MGAT5: variants seen among roughly 807,000 people sequenced by gnomAD.
MGAT5 encodes alpha-1,6-mannosylglycoprotein 6-beta-N-acetylglucosaminyltransferase A.
MGAT5 carries 30 observed loss-of-function variants against 94.3 expected under a neutral mutation model. The ratio of observed to expected loss-of-function variants is 0.32; its 90% CI spans 0.24 to 0.43. The LOEUF (loss-of-function observed/expected upper bound fraction) is 0.43, where lower values mean the gene tolerates loss of function less well. Ranked by LOEUF, MGAT5 falls within the 20% of genes least tolerant of loss-of-function variation. MGAT5 has a pLI of 1.00. For synonymous variants in MGAT5, 310 were observed against 322.9 expected (o/e 0.96, Z 0.43); for missense variants, 691 against 905.5 (o/e 0.76, Z 3.04).
intron 10 of MGAT5, among the ~76,000 whole-genome samples, chr2:134,381,524 C>T (rs113481762): frequency 8.6e-5 from 7 of 81,212 alleles, no homozygotes; most frequent in South Asian, 6.4e-4. Context: ...GACAGACAGA[C>T]AGACAGACAG....
intron 11 of MGAT5, among the ~76,000 whole-genome samples, chr2:134,405,458 C>T (rs1014396862): frequency 6.6e-6 from 1 of 152,218 alleles, no homozygotes; most frequent in African/African-American, 2.4e-5. Flanking sequence ...CACACAGCTA[C>T]AGGCTCCAAA....
intron 1 of MGAT5, among the ~76,000 whole-genome samples, chr2:134,155,743 A>G (rs759072536): frequency 5.3e-5 from 8 of 152,080 alleles, no homozygotes; most frequent in Non-Finnish European, 8.8e-5. Context: ...TTCTAGCCAC[A>G]CTGGCTCTTT....
chr2:134,183,406 G>T (rs1049985267), intron 1 of MGAT5, among the ~76,000 whole-genome samples: 10 of 152,226 alleles, frequency 6.6e-5, no homozygotes, highest in Admixed American at 2.6e-4. Context: ...TTTGAAGCTA[G>T]AGTAACTTAC....
At chr2:134,175,933 T>A (rs1282373212) in intron 1 of MGAT5, among the ~76,000 whole-genome samples, 3 of 152,232 alleles carry the variant, frequency 2.0e-5, no homozygotes, top group Non-Finnish European at 4.4e-5. Context: ...TTCTTTCTTT[T>A]AACTGGCTAT....
chr2:134,165,906 G>T (rs1331118266), intron 1 of MGAT5, among the ~76,000 whole-genome samples: 1 of 152,202 alleles, frequency 6.6e-6, no homozygotes, highest in Non-Finnish European at 1.5e-5. Context: ...ATGCAAGATA[G>T]TTAGCTTTCT....
chr2:134,338,489 C>A, intron 6 of MGAT5, 69 bp downstream of exon 6: 1 of 1,464,718 alleles, frequency 6.8e-7, no homozygotes, highest in Non-Finnish European at 9.3e-7. Flanking sequence ...TGCTTGGAAA[C>A]AAGACTAAGA....
At chr2:134,304,406 G>A (rs1686209378) in intron 2 of MGAT5, among the ~76,000 whole-genome samples, 1 of 152,148 alleles carries the variant, frequency 6.6e-6, no homozygotes, top group South Asian at 2.1e-4. Flanking sequence ...GAGGATCAGT[G>A]CCTTCTAAGA....
At chr2:134,193,045 GA>G (rs1410001778) in intron 1 of MGAT5, among the ~76,000 whole-genome samples, 2 of 151,786 alleles carry the variant, frequency 1.3e-5, no homozygotes, top group Non-Finnish European at 2.9e-5. Flanking sequence ...TGGTCTATTA[GA>G]AAAAAACAGT....
intron 14 of MGAT5, among the ~76,000 whole-genome samples, chr2:134,429,435 G>C (rs574235684): frequency 6.6e-6 from 1 of 152,312 alleles, no homozygotes; most frequent in Non-Finnish European, 1.5e-5. Context: ...CAGGCCATGT[G>C]GGTTTTACTC....
intron 1 of MGAT5, among the ~76,000 whole-genome samples, chr2:134,188,407 T>A (rs1408421976): frequency 1.3e-5 from 2 of 152,270 alleles, no homozygotes; most frequent in African/African-American, 4.8e-5. Context: ...TTAACCACTT[T>A]ATGCCTCAGT....
At chr2:134,387,553 A>C (rs891448445) in intron 10 of MGAT5, among the ~76,000 whole-genome samples, 2 of 151,676 alleles carry the variant, frequency 1.3e-5, no homozygotes, top group Admixed American at 6.6e-5. Flanking sequence ...GAGGCAAGTA[A>C]AGTCTTCCTA....
In MGAT5 at chr2:134,276,086, G is replaced by C. The variant is rs1035973096; in HGVS notation, c.406+5536G>C. ...GTTAGTGCAGAAAGACGCCTGAGACGCTGAAGTTTCCTGATTGCCAGCTGA... is the reference window on the plus strand; with the variant it reads ...GTTAGTGCAGAAAGACGCCTGAGACCCTGAAGTTTCCTGATTGCCAGCTGA... On this transcript the variant is annotated intron_variant, in intron 2 of 15. Coordinates refer to ENST00000281923, the MANE Select transcript of MGAT5 (RefSeq NM_002410.5). Among the ~76,000 whole-genome samples, 4 of 152,048 alleles carry C rather than the reference G, an allele frequency of 2.6e-5. No homozygotes were observed. The East Asian group carries it at 7.7e-4, about 29-fold the overall frequency.
rs11903821 is a variant in MGAT5, at chr2:134,266,829, A to C, written c.242-3557A>C. Among the ~76,000 whole-genome samples, 760 of 152,344 alleles carry C rather than the reference A, an allele frequency of 5.0e-3. 9 individuals carry two copies. The highest frequency in any genetic ancestry group is 0.018 in the African/African-American group (729 of 41,580). On this transcript the variant is annotated intron_variant, in intron 1 of 15. Transcript: ENST00000281923. ...TGACTCAGGTAGCTGCTTGAGTTGA[A>C]AATGAACTTTTTTCTTTCATATTGG...
intron 14 of MGAT5, among the ~76,000 whole-genome samples, chr2:134,432,976 A>G (rs1337272182): frequency 6.6e-6 from 1 of 152,118 alleles, no homozygotes; most frequent in Non-Finnish European, 1.5e-5. Context: ...ATAAGGACAC[A>G]ATTCAATTTT....
At chr2:134,277,427 G>T (rs1366424906) in intron 2 of MGAT5, among the ~76,000 whole-genome samples, 1 of 152,108 alleles carries the variant, frequency 6.6e-6, no homozygotes, top group Non-Finnish European at 1.5e-5. Flanking sequence ...CGTCTTACAT[G>T]GCGACAGGAG....
intron 2 of MGAT5, among the ~76,000 whole-genome samples, chr2:134,283,645 CTTTTTTTTTTTT>C (rs35922830): frequency 2.0e-4 from 14 of 69,068 alleles, no homozygotes; most frequent in Admixed American, 5.4e-4. Flanking sequence ...AATGTAGTAT[CTTTTTTTTTTTT>C]TTTTTTTTTT....
chr2:134,202,303 G>A (rs945794847), intron 1 of MGAT5, among the ~76,000 whole-genome samples: 23 of 152,350 alleles, frequency 1.5e-4, no homozygotes, highest in South Asian at 4.1e-4. Flanking sequence ...TCAGAGGGAG[G>A]AGCCCTTGTG....
intron 11 of MGAT5, among the ~76,000 whole-genome samples, chr2:134,403,989 C>T (rs1683203484): frequency 6.6e-6 from 1 of 152,166 alleles, no homozygotes; most frequent in South Asian, 2.1e-4. Context: ...ATGGAAGTAC[C>T]AAATGAAGTT....
chr2:134,438,493 T>A (rs986910978), intron 14 of MGAT5, among the ~76,000 whole-genome samples: 1 of 152,234 alleles, frequency 6.6e-6, no homozygotes, highest in Admixed American at 6.5e-5. Flanking sequence ...TCCTGTCTGA[T>A]GACAGCTGTC....
Sources: allele counts gnomAD v4.1 joint callset (sites outside exome capture counted in the v4.1 genomes callset), GRCh38; gene constraint gnomAD v4.1.1; transcripts MANE v1.5; gene names NCBI Gene and HGNC (gene_info 2026-07-23, HGNC 2026-07-21).